Variants in PCDH7 observed in about 807,000 individuals in gnomAD.
PCDH7 encodes protocadherin-7.
In PCDH7, 17 loss-of-function variants were observed where a neutral mutation model predicts 58.9. The ratio of observed to expected loss-of-function variants is 0.29; its 90% CI spans 0.20 to 0.43. The LOEUF (loss-of-function observed/expected upper bound fraction) is 0.43. Ranked by LOEUF, PCDH7 falls within the 20% of genes least tolerant of loss-of-function variation. The probability of loss-of-function intolerance (pLI) is 1.00; values close to 1 mark genes in which losing one functional copy is unlikely to be tolerated. For synonymous variants in PCDH7, 664 were observed against 616.4 expected (o/e 1.08, Z -1.14); for missense variants, 1,274 against 1,441.0 (o/e 0.88, Z 1.88).
At chr4:30,802,868 G>A (rs1015750897) in intron 1 of PCDH7, among the ~76,000 whole-genome samples, 5 of 152,126 alleles carry the variant, frequency 3.3e-5, no homozygotes, top group Non-Finnish European at 7.3e-5. Flanking sequence ...GAGTCAATCA[G>A]CATGGTTATT....
intron 1 of PCDH7, among the ~76,000 whole-genome samples, chr4:30,767,446 C>CT (rs1206123805): frequency 6.6e-6 from 1 of 152,146 alleles, no homozygotes; most frequent in Admixed American, 6.5e-5. Context: ...AAACTTGCCT[C>CT]TGAGAAATTA....
intron 3 of PCDH7, among the ~76,000 whole-genome samples, chr4:31,106,601 T>C (rs1265815480): frequency 6.6e-6 from 1 of 152,238 alleles, no homozygotes; most frequent in Non-Finnish European, 1.5e-5. Flanking sequence ...GGCAGAAGTA[T>C]GAATGTCATG....
In PCDH7 at chr4:30,728,849, CA is replaced by C. The variant is rs1342146366; in HGVS notation, c.3175-1903del. On this transcript the variant is annotated intron_variant, in intron 1 of 1. Transcript: ENST00000361762. Reference sequence around the variant, plus strand: ...GAAAAAGTGTGAACATGGTTTATATCACAAACTCTGTACACACAGAGACATA... The same window carrying C: ...GAAAAAGTGTGAACATGGTTTATATCCAAACTCTGTACACACAGAGACATA... Among the ~76,000 whole-genome samples, 3 of 150,848 alleles carry C rather than the reference CA, an allele frequency of 2.0e-5. No individual in the cohort carries two copies. The East Asian group carries it at 5.8e-4, about 29-fold the overall frequency.
In PCDH7 at chr4:31,118,906, A is replaced by G. The variant is rs553246370; in HGVS notation, c.*8-23567A>G. Among the ~76,000 whole-genome samples, 3 of 152,286 alleles carry G rather than the reference A, an allele frequency of 2.0e-5. No homozygotes were observed. The South Asian group carries it at 6.2e-4, about 32-fold the overall frequency. ...GAGAAAATCGTAAACCTCAATATAT[A>G]TGTAACAGCTCCTGTTGGCTTACTC... On this transcript the variant is annotated intron_variant, in intron 3 of 3. Transcript: ENST00000509759.
rs529111494 is a variant in PCDH7 at position 30,790,984 on chromosome 4, C to T, written c.70+66388C>T. Among the ~76,000 whole-genome samples the T allele has an allele frequency of 5.3e-5, 8 of 151,922 alleles. No homozygotes were observed. The South Asian group carries it at 6.2e-4, about 12-fold the overall frequency. The stretch of plus-strand genomic sequence containing the variant: ...TAAATAAATAAATACATGCTGTAGA[C>T]AGAAAAAAAGGGAAATTCTTTTCCA... On this transcript the variant is annotated intron_variant, in intron 1 of 3. Transcript: ENST00000509759.
At chr4:30,812,293 G>A (rs1215126088) in intron 1 of PCDH7, among the ~76,000 whole-genome samples, 2 of 152,126 alleles carry the variant, frequency 1.3e-5, no homozygotes, top group Non-Finnish European at 2.9e-5. Context: ...ACTTACAAGT[G>A]ATTATATGTT....
rs1008528043 is a variant in PCDH7, at chr4:30,793,007, G to A, written c.70+68411G>A. Among the ~76,000 whole-genome samples the A allele has an allele frequency of 2.0e-5, 3 of 152,096 alleles. No individual in the cohort carries two copies. The East Asian group carries it at 5.8e-4, about 29-fold the overall frequency. On this transcript the variant is annotated intron_variant, in intron 1 of 3. Transcript: ENST00000509759. ...ATTGAAACCTGATTGTTAAAGTTATGTAATTGATAAAAATTACATGTTAAG... is the reference window on the plus strand; with the variant it reads ...ATTGAAACCTGATTGTTAAAGTTATATAATTGATAAAAATTACATGTTAAG...
At chr4:30,934,313 C>CTG (rs956443968) in intron 2 of PCDH7, among the ~76,000 whole-genome samples, 7 of 152,122 alleles carry the variant, frequency 4.6e-5, no homozygotes, top group African/African-American at 1.7e-4. Context: ...TTAGAGATCC[C>CTG]TGTGTGTGTG....
chr4:30,931,623 G>A (rs1357022709), intron 2 of PCDH7, among the ~76,000 whole-genome samples: 1 of 151,558 alleles, frequency 6.6e-6, no homozygotes, highest in Admixed American at 6.6e-5. Context: ...AGGGCCCAAT[G>A]TTGCTGATAC....
chr4:31,060,667 A>G (rs566108872), intron 3 of PCDH7, among the ~76,000 whole-genome samples: 4 of 151,856 alleles, frequency 2.6e-5, no homozygotes, highest in Admixed American at 6.6e-5. Flanking sequence ...TTCAATTTCA[A>G]CATATATGAA....
intron 1 of PCDH7, among the ~76,000 whole-genome samples, chr4:30,771,582 C>T (rs1312594965): frequency 1.3e-5 from 2 of 152,158 alleles, no homozygotes; most frequent in African/African-American, 4.8e-5. Flanking sequence ...AAGAAAAGTA[C>T]ACAATTTTAT....
chr4:30,897,825 T>A (rs1739648789), intron 1 of PCDH7, among the ~76,000 whole-genome samples: 1 of 152,320 alleles, frequency 6.6e-6, no homozygotes, highest in African/African-American at 2.4e-5. Context: ...GCAAGCAAAA[T>A]TGCTTTTAGT....
chr4:30,747,820 A>T (rs749904762), intron 1 of PCDH7, among the ~76,000 whole-genome samples: 2 of 152,190 alleles, frequency 1.3e-5, no homozygotes, highest in Non-Finnish European at 2.9e-5. Flanking sequence ...TACAGGTCTG[A>T]TTGGCAGACA....
intron 3 of PCDH7, among the ~76,000 whole-genome samples, chr4:31,126,034 A>G (rs2109330053): frequency 6.6e-6 from 1 of 152,130 alleles, no homozygotes; most frequent in African/African-American, 2.4e-5. Flanking sequence ...TGGGTAACTC[A>G]CTTAACTTCT....
intron 1 of PCDH7, among the ~76,000 whole-genome samples, chr4:30,902,060 G>A (rs983433007): frequency 2.6e-5 from 4 of 152,090 alleles, no homozygotes; most frequent in Non-Finnish European, 4.4e-5. Context: ...AGAATAACAC[G>A]AGTAATTACC....
chr4:31,083,044 C>T (rs913791433), intron 3 of PCDH7, among the ~76,000 whole-genome samples: 2 of 152,010 alleles, frequency 1.3e-5, no homozygotes, highest in African/African-American at 2.4e-5. Flanking sequence ...GGAGGTGGAG[C>T]TTGCAATGAG....
At chr4:30,982,424 G>A (rs1042463786) in intron 3 of PCDH7, among the ~76,000 whole-genome samples, 11 of 151,928 alleles carry the variant, frequency 7.2e-5, no homozygotes, top group African/African-American at 2.4e-4. Flanking sequence ...TTCCTGGCTC[G>A]TATACTTATG....
At chr4:30,996,991 T>A (rs546264228) in intron 3 of PCDH7, among the ~76,000 whole-genome samples, 3 of 152,290 alleles carry the variant, frequency 2.0e-5, no homozygotes, top group Middle Eastern at 6.8e-3. Context: ...CAACATTAAA[T>A]TGGATACTAA....
At chr4:31,073,345 A>G (rs751311363) in intron 3 of PCDH7, among the ~76,000 whole-genome samples, 12 of 152,212 alleles carry the variant, frequency 7.9e-5, no homozygotes, top group Non-Finnish European at 1.6e-4. Context: ...GATATTTAAT[A>G]TCTTCTAAGT....
Sources: gnomAD v4.1 joint callset for allele counts (sites outside exome capture counted in the v4.1 genomes callset) on GRCh38, gnomAD v4.1.1 for gene constraint, MANE v1.5 for transcripts, NCBI Gene and HGNC (gene_info 2026-07-23, HGNC 2026-07-21) for gene names.